TTLL11: variants seen among roughly 807,000 people sequenced by gnomAD.
The protein encoded by TTLL11 is tubulin polyglutamylase TTLL11.
A neutral mutation model predicts 51.7 loss-of-function variants in TTLL11; 42 were observed. The ratio of observed to expected loss-of-function variants is 0.81; its 90% CI spans 0.64 to 1.05. TTLL11 has a LOEUF of 1.05. Ranked by LOEUF, TTLL11 falls within the 50% of genes least tolerant of loss-of-function variation. The probability of loss-of-function intolerance (pLI) is 0.00; values close to 1 mark genes in which losing one functional copy is unlikely to be tolerated. For missense variants in TTLL11, 799 were observed against 940.4 expected, an observed-to-expected ratio of 0.85 and a Z score of 1.97; for synonymous variants, 381 against 383.5, an observed-to-expected ratio of 0.99 and a Z score of 0.08.
chr9:122,074,771 T>C (rs1261190712), intron 1 of TTLL11, among the ~76,000 whole-genome samples: 2 of 150,912 alleles, frequency 1.3e-5, no homozygotes, highest in South Asian at 2.1e-4. Flanking sequence ...TGGGTTGGCA[T>C]GAGCCTAGTC....
intron 7 of TTLL11, among the ~76,000 whole-genome samples, chr9:121,860,752 AG>A (rs1202764700): frequency 6.6e-6 from 1 of 152,224 alleles, no homozygotes; most frequent in Non-Finnish European, 1.5e-5. Flanking sequence ...GGTCCTCACC[AG>A]ACATCAGATC....
intron 6 of TTLL11, among the ~76,000 whole-genome samples, chr9:121,882,123 C>G (rs1838820884): frequency 6.6e-6 from 1 of 152,204 alleles, no homozygotes; most frequent in Non-Finnish European, 1.5e-5. Flanking sequence ...TGTGACTGAA[C>G]AAACAAAGCT....
At chr9:122,084,314 G>A (rs545313628) in intron 1 of TTLL11, among the ~76,000 whole-genome samples, 23 of 152,144 alleles carry the variant, frequency 1.5e-4, no homozygotes, top group Admixed American at 3.3e-4. Context: ...AGAAATGCCT[G>A]CAAGTACTTA....
chr9:122,048,478 T>C (rs1187273849), intron 1 of TTLL11, among the ~76,000 whole-genome samples: 2 of 152,140 alleles, frequency 1.3e-5, no homozygotes, highest in Non-Finnish European at 2.9e-5. Context: ...AGATTTTTAT[T>C]TTTAAACACA....
At chr9:122,052,424 G>A (rs1377781253) in intron 1 of TTLL11, among the ~76,000 whole-genome samples, 2 of 152,200 alleles carry the variant, frequency 1.3e-5, no homozygotes, top group East Asian at 3.8e-4. Flanking sequence ...GCAACTCCAA[G>A]TCTGTTTCCT....
chr9:122,031,869 G>C lies in TTLL11; in HGVS notation c.560-13C>G. Reference sequence around the variant, plus strand: ...ATCTCCGTCATGCCTGGGGAGAAGAGACGCTGTGAGGTTTTAACAACAGTG... The same window carrying C: ...ATCTCCGTCATGCCTGGGGAGAAGACACGCTGTGAGGTTTTAACAACAGTG... On this transcript the variant is annotated splice_polypyrimidine_tract_variant and intron_variant, in intron 2 of 8. Coordinates refer to ENST00000321582, the MANE Select transcript of TTLL11 (RefSeq NM_001139442.2). The C allele has an allele frequency of 6.2e-7, 1 of 1,610,684 alleles. No homozygotes were observed. Among genetic ancestry groups the C allele is most frequent in the Non-Finnish European group, 8.5e-7 (1 of 1,177,666 alleles).
At chr9:121,916,052 A>C (rs1840314009) in intron 6 of TTLL11, among the ~76,000 whole-genome samples, 1 of 149,988 alleles carries the variant, frequency 6.7e-6, no homozygotes, top group Admixed American at 6.6e-5. Context: ...GTTCCTGGCA[A>C]TGTTGTTTGA....
intron 3 of TTLL11, among the ~76,000 whole-genome samples, chr9:122,004,196 G>A (rs1843569549): frequency 6.6e-6 from 1 of 152,122 alleles, no homozygotes; most frequent in Admixed American, 6.5e-5. Flanking sequence ...AAGAGCAGCA[G>A]AGATAAATCT....
chr9:121,935,170 G>GGA (rs1187136095), intron 6 of TTLL11, among the ~76,000 whole-genome samples: 1 of 151,730 alleles, frequency 6.6e-6, no homozygotes, highest in Non-Finnish European at 1.5e-5. Flanking sequence ...TGTTGCCCAG[G>GGA]CTGGTCTTGA....
rs1839182812 is a variant in TTLL11 at position 121,890,416 on chromosome 9, T to C, written c.1482-19668A>G. Among the ~76,000 whole-genome samples, 1 of 152,156 alleles carries C rather than the reference T, an allele frequency of 6.6e-6. No individual in the cohort carries two copies. Among genetic ancestry groups the C allele is most frequent in the African/African-American group, 2.4e-5 (1 of 41,454 alleles). ...ACCTCCGCTTCCAATGTGTCCTTCA[T>C]GTCATAGCCAAAATCCCCAAGCCTG... On this transcript the variant is annotated intron_variant, in intron 6 of 8. Coordinates refer to ENST00000321582, the MANE Select transcript of TTLL11 (RefSeq NM_001139442.2). The surrounding 1 kb of genome is among the most constrained non-coding windows in gnomAD (Gnocchi z 4.3).
Position 121,820,115 on chromosome 9 carries a change from C to T in TTLL11, c.*2472G>A, listed in dbSNP as rs1220524931. ...CATGGTGGGCGGAGCAGCCCGCCTC[C>T]AGATGATGGCATGGGGTGGGAGAGG... On this transcript the variant is annotated 3_prime_UTR_variant, in exon 9 of 9. Transcript: ENST00000321582. 1.3e-5 allele frequency among the ~76,000 whole-genome samples: 2 copies of T among 152,222 alleles called. No individual in the cohort carries two copies. Among genetic ancestry groups the T allele is most frequent in the Non-Finnish European group, 2.9e-5 (2 of 68,042 alleles).
intron 6 of TTLL11, among the ~76,000 whole-genome samples, chr9:121,872,104 T>C (rs1838379761): frequency 6.6e-6 from 1 of 152,244 alleles, no homozygotes; most frequent in Admixed American, 6.5e-5. Context: ...CCAAGGCCTG[T>C]TCTCTACTCC....
At chr9:121,912,468 C>A (rs190806326) in intron 6 of TTLL11, among the ~76,000 whole-genome samples, 3 of 151,920 alleles carry the variant, frequency 2.0e-5, no homozygotes, top group African/African-American at 7.3e-5. Context: ...ATAAGCTCCC[C>A]CTTCTGCTCG....
chr9:121,919,544 G>A (rs1218309073), intron 6 of TTLL11, among the ~76,000 whole-genome samples: 1 of 152,190 alleles, frequency 6.6e-6, no homozygotes, highest in African/African-American at 2.4e-5. Flanking sequence ...ATGGCTGCAG[G>A]CTTCCTGGTA....
chr9:121,955,112 T>C (rs1326334018), intron 6 of TTLL11, among the ~76,000 whole-genome samples: 1 of 152,210 alleles, frequency 6.6e-6, no homozygotes, highest in East Asian at 1.9e-4. Flanking sequence ...ATTTGCAATA[T>C]GAGGTGCAAA....
At chr9:121,826,253 TTATA>T (rs1243173458) in intron 8 of TTLL11, among the ~76,000 whole-genome samples, 1 of 110,318 alleles carries the variant, frequency 9.1e-6, no homozygotes, top group African/African-American at 3.3e-5. Flanking sequence ...TATATATGGG[TTATA>T]TATATGGGTA....
chr9:121,927,018 C>G (rs1840761894), intron 6 of TTLL11, among the ~76,000 whole-genome samples: 1 of 152,188 alleles, frequency 6.6e-6, no homozygotes, highest in Admixed American at 6.5e-5. Context: ...GCATGAATCC[C>G]ATTCATGAGG....
chr9:121,884,287 G>A (rs1230230793), intron 6 of TTLL11, among the ~76,000 whole-genome samples: 4 of 151,786 alleles, frequency 2.6e-5, no homozygotes, highest in South Asian at 2.1e-4. Context: ...CCACTTGACC[G>A]ACTCACCCGG....
chr9:121,906,704 GC>G, intron 6 of TTLL11, among the ~76,000 whole-genome samples: 1 of 152,254 alleles, frequency 6.6e-6, no homozygotes, highest in Admixed American at 6.5e-5. Context: ...TTCAATGCCA[GC>G]CCAGAGGGTG....
Sources: allele counts gnomAD v4.1 joint callset (sites outside exome capture counted in the v4.1 genomes callset), GRCh38; gene constraint gnomAD v4.1.1; non-coding constraint Gnocchi (gnomAD v3.1); transcripts MANE v1.5; gene names NCBI Gene and HGNC (gene_info 2026-07-23, HGNC 2026-07-21).